Variants in ATXN7L1 observed in about 807,000 individuals in gnomAD.
ATXN7L1 encodes the protein ataxin 7 like 1, also known as ataxin-7-like protein 1.
In ATXN7L1, 15 loss-of-function variants were observed where a neutral mutation model predicts 70.8. The observed-to-expected ratio is 0.21, with a 90% CI of 0.14 to 0.33. The LOEUF is 0.33. Among genes scored for constraint, ATXN7L1 ranks in the 10% least tolerant of loss-of-function variants. ATXN7L1 has a pLI of 1.00. For synonymous variants in ATXN7L1, 440 were observed against 445.1 expected (o/e 0.99, Z 0.14); for missense variants, 975 against 1,097.1 (o/e 0.89, Z 1.57).
chr7:105,834,723 A>G lies in ATXN7L1; in HGVS notation c.250+41089T>C, dbSNP rs571953314. Among the ~76,000 whole-genome samples the G allele has an allele frequency of 4.6e-5, 7 of 152,282 alleles. No individual in the cohort carries two copies. The South Asian group carries it at 1.5e-3, about 32-fold the overall frequency. ...CACTGGGCTGAGCGTACTGCCACAC[A>G]CACTGTAGGCTTGCAGAAAAACAAC... On this transcript the variant is annotated intron_variant, in intron 2 of 11. Coordinates refer to ENST00000419735, the MANE Select transcript of ATXN7L1 (RefSeq NM_020725.2).
chr7:105,727,068 C>T (rs1230676671), intron 3 of ATXN7L1, among the ~76,000 whole-genome samples: 3 of 152,130 alleles, frequency 2.0e-5, no homozygotes, highest in East Asian at 3.9e-4. Context: ...TTCTGTGTCC[C>T]ATGCAGTCAT....
chr7:105,656,804 C>T (rs1271865893), intron 4 of ATXN7L1, among the ~76,000 whole-genome samples: 1 of 152,194 alleles, frequency 6.6e-6, no homozygotes. Flanking sequence ...CTCCTGACTT[C>T]AGGTGGTCCA....
chr7:105,822,839 G>C (rs1401535102), intron 2 of ATXN7L1, among the ~76,000 whole-genome samples: 1 of 152,004 alleles, frequency 6.6e-6, no homozygotes, highest in East Asian at 1.9e-4. Flanking sequence ...ATTAGGATGG[G>C]GAAACATATT....
At chr7:105,624,371 G>A in intron 7 of ATXN7L1, 104 bp from the exon 8 acceptor site, 2 of 1,161,394 alleles carry the variant, frequency 1.7e-6, no homozygotes, top group Non-Finnish European at 1.1e-6. Context: ...CCTGATTAAG[G>A]CCAGGTTCGG....
At chr7:105,648,741 A>G (rs1584507023) in intron 4 of ATXN7L1, among the ~76,000 whole-genome samples, 1 of 151,996 alleles carries the variant, frequency 6.6e-6, no homozygotes, top group Non-Finnish European at 1.5e-5. Context: ...CTCTGCTGTC[A>G]CCTTCCCCAG....
chr7:105,663,188 G>A (rs1446831802), intron 4 of ATXN7L1, among the ~76,000 whole-genome samples: 3 of 152,124 alleles, frequency 2.0e-5, no homozygotes, highest in Non-Finnish European at 4.4e-5. Context: ...ATCGCCGGTG[G>A]GTGGGCAAAC....
chr7:105,688,139 A>G (rs1415252011), intron 3 of ATXN7L1, among the ~76,000 whole-genome samples: 1 of 152,140 alleles, frequency 6.6e-6, no homozygotes, highest in Admixed American at 6.6e-5. Context: ...CAAGATAATC[A>G]TCACAACCAG....
chr7:105,617,475 G>A (rs1438066421), intron 9 of ATXN7L1, among the ~76,000 whole-genome samples: 3 of 152,166 alleles, frequency 2.0e-5, no homozygotes, highest in Non-Finnish European at 2.9e-5. Context: ...TTTTAGGCAC[G>A]CTTTCTATCC....
At chr7:105,867,100 G>A (rs1047606849) in intron 2 of ATXN7L1, among the ~76,000 whole-genome samples, 4 of 152,126 alleles carry the variant, frequency 2.6e-5, no homozygotes, top group African/African-American at 9.7e-5. Flanking sequence ...CCTGGGAACC[G>A]CCGGCTGAAA....
At chr7:105,692,832 G>T (rs1791188592) in intron 3 of ATXN7L1, among the ~76,000 whole-genome samples, 1 of 151,806 alleles carries the variant, frequency 6.6e-6, no homozygotes, top group Non-Finnish European at 1.5e-5. Flanking sequence ...TGAATTCCTG[G>T]GCTCAAGCGA....
At chr7:105,616,942 G>C (rs1014319719) in intron 9 of ATXN7L1, among the ~76,000 whole-genome samples, 1 of 152,168 alleles carries the variant, frequency 6.6e-6, no homozygotes, top group Non-Finnish European at 1.5e-5. Flanking sequence ...AGGTTTGGCA[G>C]TTACTTGGAA....
At chr7:105,875,466 G>A (rs1033335313) in intron 2 of ATXN7L1, among the ~76,000 whole-genome samples, 6 of 152,118 alleles carry the variant, frequency 3.9e-5, no homozygotes, top group Non-Finnish European at 8.8e-5. Context: ...AGGCTGGGAT[G>A]CTTGTGAAGG....
At chr7:105,733,638 C>T (rs1310095674) in intron 3 of ATXN7L1, among the ~76,000 whole-genome samples, 3 of 116,956 alleles carry the variant, frequency 2.6e-5, no homozygotes, top group Admixed American at 8.3e-5. Context: ...ATCCACCCAT[C>T]CATCCATCCA....
intron 2 of ATXN7L1, among the ~76,000 whole-genome samples, chr7:105,874,038 T>C (rs1818660388): frequency 6.7e-6 from 1 of 148,646 alleles, no homozygotes; most frequent in African/African-American, 2.5e-5. Flanking sequence ...GGCAGGAGAA[T>C]CGCTTGAACC....
At chr7:105,619,572 G>A (rs1794632147) in intron 9 of ATXN7L1, among the ~76,000 whole-genome samples, 2 of 98,864 alleles carry the variant, frequency 2.0e-5, no homozygotes, top group South Asian at 7.8e-4. Context: ...TTTTTTAAGA[G>A]AGAGGGTCTT....
chr7:105,617,476 C>T (rs1340999537), intron 9 of ATXN7L1, among the ~76,000 whole-genome samples: 1 of 152,164 alleles, frequency 6.6e-6, no homozygotes, highest in Non-Finnish European at 1.5e-5. Flanking sequence ...TTTAGGCACG[C>T]TTTCTATCCT....
intron 2 of ATXN7L1, among the ~76,000 whole-genome samples, chr7:105,821,716 T>G (rs2116566782): frequency 6.6e-6 from 1 of 152,380 alleles, no homozygotes; most frequent in African/African-American, 2.4e-5. Context: ...TCAGTTTCTT[T>G]AACTGCAAAA....
chr7:105,791,181 TCA>T (rs949885018), intron 2 of ATXN7L1, among the ~76,000 whole-genome samples: 15 of 152,342 alleles, frequency 9.8e-5, no homozygotes, highest in African/African-American at 3.6e-4. Flanking sequence ...GGCAGGTGAC[TCA>T]CACTGTAGGG....
At chr7:105,844,510 C>T (rs1212466658) in intron 2 of ATXN7L1, among the ~76,000 whole-genome samples, 1 of 152,146 alleles carries the variant, frequency 6.6e-6, no homozygotes, top group Admixed American at 6.5e-5. Context: ...ACAGAAAATG[C>T]ATTTGACAAA....
Sources: gnomAD v4.1 joint callset for allele counts (sites outside exome capture counted in the v4.1 genomes callset) on GRCh38, gnomAD v4.1.1 for gene constraint, MANE v1.5 for transcripts, NCBI Gene and HGNC (gene_info 2026-07-23, HGNC 2026-07-21) for gene names.